Variants in ANKRD30A observed in about 807,000 individuals in gnomAD.
ANKRD30A encodes ankyrin repeat domain 30A.
In ANKRD30A, 170 loss-of-function variants were observed where a neutral mutation model predicts 166.3. The observed-to-expected ratio is 1.02, with a 90% CI of 0.90 to 1.16. The LOEUF (loss-of-function observed/expected upper bound fraction) is 1.16, where lower values mean the gene tolerates loss of function less well. Ranked by LOEUF, ANKRD30A falls within the 50% of genes most tolerant of loss-of-function variation. The probability of loss-of-function intolerance (pLI) is 0.00; values close to 1 mark genes in which losing one functional copy is unlikely to be tolerated. For synonymous variants in ANKRD30A, 564 were observed against 508.9 expected, an observed-to-expected ratio of 1.11 and a Z score of -1.46; for missense variants, 1,630 against 1,518.0, an observed-to-expected ratio of 1.07 and a Z score of -1.23.
chr10:37,193,876 T>C (rs1330455644), intron 27 of ANKRD30A, among the ~76,000 whole-genome samples: 1 of 151,398 alleles, frequency 6.6e-6, no homozygotes, highest in Non-Finnish European at 1.5e-5. Context: ...TTAGTTCTTG[T>C]TGTCATTCCC....
intron 27 of ANKRD30A, among the ~76,000 whole-genome samples, chr10:37,196,543 A>G (rs748013196): frequency 2.0e-5 from 3 of 152,170 alleles, no homozygotes; most frequent in Non-Finnish European, 4.4e-5. Context: ...CAAAAATAAG[A>G]TTGCTTTTTA....
chr10:37,254,561 TTC>T, the ANKRD30A span, among the ~76,000 whole-genome samples: 7 of 152,146 alleles, frequency 4.6e-5, no homozygotes, highest in Non-Finnish European at 8.8e-5. Context: ...TATGTTTTTT[TTC>T]TTTTCACTGT....
chr10:37,159,007 C>CT (rs201641324), intron 15 of ANKRD30A, among the ~76,000 whole-genome samples: 25 of 151,378 alleles, frequency 1.7e-4, no homozygotes, highest in Admixed American at 7.9e-4. Context: ...AGAAAATCAG[C>CT]TTTTTTTTTG....
chr10:37,160,015 A>G (rs1302393192), intron 15 of ANKRD30A, among the ~76,000 whole-genome samples: 1 of 152,178 alleles, frequency 6.6e-6, no homozygotes, highest in East Asian at 1.9e-4. Flanking sequence ...TGAAATTTTC[A>G]ATAAATGGTT....
chr10:37,225,042 T>C (rs1843081016), intron 34 of ANKRD30A, among the ~76,000 whole-genome samples: 1 of 151,492 alleles, frequency 6.6e-6, no homozygotes. Flanking sequence ...AATAATACGC[T>C]AGTGTTTTAT....
At chr10:37,159,488 G>C (rs1042106101) in intron 15 of ANKRD30A, among the ~76,000 whole-genome samples, 4 of 152,020 alleles carry the variant, frequency 2.6e-5, no homozygotes, top group African/African-American at 9.7e-5. Flanking sequence ...ACTTTAGCTT[G>C]AGTGACAGAG....
At position 37,158,396 on chromosome 10, in the gene ANKRD30A, T is replaced by C. The variant is rs776545368; in HGVS notation, c.1803T>C (p.Ser601=). The change falls in exon 14 of 36, where the codon TCT becomes TCC. Residue 601 remains serine, a synonymous_variant. Coordinates refer to ENST00000361713, the MANE Select transcript of ANKRD30A (RefSeq NM_052997.3). ...TGTATGTCCCTTTTCTTATAGAGTC[T>C]CCTAATAAAGATGGTCTTCTGAAGG... ...IDKINGKLEE[S]PNKDGLLKAT... is the part of the protein sequence containing the mutation. 6.2e-7 allele frequency: 1 copy of C among 1,609,666 alleles called. No individual in the cohort carries two copies. Among genetic ancestry groups the C allele is most frequent in the Non-Finnish European group, 8.5e-7 (1 of 1,176,782 alleles).
At chr10:37,249,629 G>A in the ANKRD30A span, among the ~76,000 whole-genome samples, 1 of 152,104 alleles carries the variant, frequency 6.6e-6, no homozygotes, top group Non-Finnish European at 1.5e-5. Context: ...TTTAAGCTGG[G>A]CTTTAACAGT....
chr10:37,213,208 C>T (rs1842427480), intron 31 of ANKRD30A, among the ~76,000 whole-genome samples: 1 of 151,798 alleles, frequency 6.6e-6, no homozygotes. Flanking sequence ...AAATTGAATT[C>T]TCACCATTGT....
intron 31 of ANKRD30A, among the ~76,000 whole-genome samples, chr10:37,214,116 G>C (rs1324868825): frequency 1.3e-5 from 2 of 151,530 alleles, no homozygotes; most frequent in Non-Finnish European, 3.0e-5. Context: ...ATTTAGGACT[G>C]TTATGTTTTC....
At position 37,219,577 on chromosome 10, in the gene ANKRD30A, C is replaced by T. The variant is rs533966003; in HGVS notation, c.3865C>T (p.Arg1289Cys). The T allele has an allele frequency of 2.5e-5, 41 of 1,610,190 alleles. No individual in the cohort carries two copies. In the South Asian group the frequency reaches 4.0e-4, roughly 16 times the overall value. ...TTCAGAACATGCACAAAGAGACCAA[C>T]GTGAAACACAGTGTCAAATGAAGGA... ...LVSEHAQRDQRETQCQMKEAE... is the reference protein window; with the variant it reads ...LVSEHAQRDQCETQCQMKEAE... The change falls in exon 34 of 36, where the codon CGT becomes TGT. Residue 1289 changes from arginine to cysteine, a missense_variant. Arg to Cys is a radical substitution (Grantham distance 180). Around this residue, in one of 4 missense-constraint regions of ANKRD30A, gnomAD observed 712 missense variants for 629.3 expected, o/e 1.13. Coordinates refer to ENST00000361713, the MANE Select transcript of ANKRD30A (RefSeq NM_052997.3).
At chr10:37,223,101 G>A (rs987945139) in intron 34 of ANKRD30A, among the ~76,000 whole-genome samples, 5 of 151,230 alleles carry the variant, frequency 3.3e-5, no homozygotes, top group African/African-American at 1.2e-4. Flanking sequence ...ACTCATATTT[G>A]TTCTGACTAT....
the ANKRD30A span, among the ~76,000 whole-genome samples, chr10:37,259,337 A>T: frequency 2.0e-5 from 3 of 152,236 alleles, no homozygotes; most frequent in Admixed American, 6.5e-5. Flanking sequence ...CACACAGACC[A>T]GTCTGGTCAA....
chr10:37,138,686 A>G (rs1179038577), intron 6 of ANKRD30A, among the ~76,000 whole-genome samples: 1 of 152,192 alleles, frequency 6.6e-6, no homozygotes, highest in Non-Finnish European at 1.5e-5. Context: ...GAAAAAGAAT[A>G]AAAAGAAATG....
chr10:37,204,984 C>T (rs993601600), intron 31 of ANKRD30A, among the ~76,000 whole-genome samples: 1 of 152,072 alleles, frequency 6.6e-6, no homozygotes, highest in Non-Finnish European at 1.5e-5. Flanking sequence ...AATAGGAACG[C>T]TTTTACACTG....
chr10:37,238,172 C>T, the ANKRD30A span, among the ~76,000 whole-genome samples: 29 of 152,118 alleles, frequency 1.9e-4, no homozygotes, highest in African/African-American at 6.8e-4. Flanking sequence ...TGAGCATTCA[C>T]ATCTGACCTG....
the ANKRD30A span, among the ~76,000 whole-genome samples, chr10:37,259,190 T>C: frequency 0.98 from 149,085 of 152,150 alleles, 73,117 homozygotes; most frequent in Middle Eastern, 1. Flanking sequence ...ATATTTATGT[T>C]CAATAAAAAA....
chr10:37,130,483 GA>G, intron 3 of ANKRD30A, 105 bp downstream of exon 3: 1 of 904,772 alleles, frequency 1.1e-6, no homozygotes, highest in Non-Finnish European at 1.5e-6. Flanking sequence ...TTCCTTGAAT[GA>G]AAATAGTTTG....
At chr10:37,232,693 T>A (rs1167390225), downstream of ANKRD30A, 13 of 9,122 alleles carry the variant, frequency 1.4e-3, 1 homozygote, top group Admixed American at 0.01. Context: ...TATATATATA[T>A]AAATAGAGAG....
Sources: gnomAD v4.1 joint callset for allele counts (sites outside exome capture counted in the v4.1 genomes callset) on GRCh38, gnomAD v4.1.1 for gene constraint, gnomAD v4.1.1 regional missense constraint, MANE v1.5 for transcripts, NCBI Gene and HGNC (gene_info 2026-07-23, HGNC 2026-07-21) for gene names.